SWSAP1: variants seen among roughly 807,000 people sequenced by gnomAD.
SWSAP1 encodes the protein ATPase SWSAP1.
In SWSAP1, 4 loss-of-function variants were observed where a neutral mutation model predicts 5.6. The ratio of observed to expected loss-of-function variants is 0.72; its 90% CI spans 0.35 to 1.64. The LOEUF is 1.64. Ranked by LOEUF, SWSAP1 falls within the 40% of genes most tolerant of loss-of-function variation. The probability of loss-of-function intolerance (pLI) is 0.05; values close to 1 mark genes in which losing one functional copy is unlikely to be tolerated. For missense variants in SWSAP1, 354 were observed against 319.8 expected (o/e 1.11, Z -0.82); for synonymous variants, 139 against 143.3 (o/e 0.97, Z 0.22).
intron 1 of SWSAP1, 52 bp downstream of exon 1, chr19:11,374,981 C>T (rs771649954): frequency 3.8e-5 from 60 of 1,595,584 alleles, no homozygotes; most frequent in Non-Finnish European, 4.6e-5. Flanking sequence ...GGAGTAGATC[C>T]GGGATATTGA....
intron 1 of SWSAP1, 108 bp downstream of exon 1, chr19:11,375,037 C>A (rs1968260527): frequency 4.2e-6 from 6 of 1,424,882 alleles, no homozygotes; most frequent in South Asian, 3.6e-5. Context: ...AAGAGCGAGC[C>A]AGGGCAGCCA....
At chr19:11,375,438 A>T in intron 1 of SWSAP1, 75 bp from the exon 2 acceptor site, 1 of 1,525,866 alleles carries the variant, frequency 6.6e-7, no homozygotes, top group Admixed American at 2.2e-5. Flanking sequence ...AAAGTATGCA[A>T]GGAGGCAGGG....
At position 11,375,742 on chromosome 19, in the gene SWSAP1, T is replaced by A; in HGVS notation, c.479T>A (p.Val160Glu). The A allele has an allele frequency of 6.2e-7, 1 of 1,614,196 alleles. No individual in the cohort carries two copies. The highest frequency in any genetic ancestry group is 1.1e-5 in the South Asian group (1 of 91,088). ...CCTGGCCGGGATTGTGGGCTCATGG[T>A]GGCCCTCCAGACCCAGGAGGAAGCA... ...LGPGRDCGLM[V>E]ALQTQEEAGS... is the part of the protein sequence containing the mutation. Residue 160 changes from valine (V) to glutamate (E), a missense_variant, in exon 2 of 2, where the codon GTG (valine) becomes GAG (glutamate). Coordinates refer to ENST00000674460, the MANE Select transcript of SWSAP1 (RefSeq NM_175871.4).
chr19:11,375,734 G>A lies in SWSAP1; in HGVS notation c.471G>A (p.Gly157=), dbSNP rs762960037. ...GGCTTGGGCCTGGCCGGGATTGTGG[G>A]CTCATGGTGGCCCTCCAGACCCAGG... is the stretch of plus-strand genomic sequence containing the variant. ...SHRLGPGRDC[G]LMVALQTQEE... Residue 157 remains glycine, a synonymous_variant, in exon 2 of 2, where the codon GGG becomes GGA. Transcript: ENST00000674460. The A allele has an allele frequency of 6.2e-7, 1 of 1,614,192 alleles. No individual in the cohort carries two copies. Among genetic ancestry groups the A allele is most frequent in the Non-Finnish European group, 8.5e-7 (1 of 1,180,026 alleles).
In SWSAP1 at chr19:11,376,073, C is replaced by T. The variant is rs556069963; in HGVS notation, c.*57C>T. On this transcript the variant is annotated 3_prime_UTR_variant, in exon 2 of 2. Coordinates refer to ENST00000674460, the MANE Select transcript of SWSAP1 (RefSeq NM_175871.4). ...AGTTTCCCATGGCTGGAATACTTAC[C>T]TCAGGGACATATGCAGATCCAAAGA... is the stretch of plus-strand genomic sequence containing the variant. 1.4e-6 allele frequency: 2 copies of T among 1,450,834 alleles called. No homozygotes were observed. The highest frequency in any genetic ancestry group is 2.8e-5 in the African/African-American group (2 of 71,272). The allele number at this position is 1,450,834 out of a possible 1,614,324, so 89.9% of individuals were successfully genotyped here.
chr19:11,374,717 G>A lies in SWSAP1; in HGVS notation c.37G>A (p.Gly13Ser), dbSNP rs767873271. 4 of 1,587,066 alleles carry A rather than the reference G, an allele frequency of 2.5e-6. No individual in the cohort carries two copies. Among genetic ancestry groups the A allele is most frequent in the Admixed American group, 1.9e-5 (1 of 53,866 alleles). Reference sequence around the variant, plus strand: ...GCTGAGGCGGGTGCTAACCAGGGGCGGTGCGGCCTGGTCCGGGGAGGAGAA... The same window carrying A: ...GCTGAGGCGGGTGCTAACCAGGGGCAGTGCGGCCTGGTCCGGGGAGGAGAA... ...ETLRRVLTRG[G>S]AAWSGEENMP... Residue 13 changes from glycine to serine, a missense_variant, in exon 1 of 2, where the codon GGT (glycine) becomes AGT (serine). Physicochemically the swap from Gly to Ser is moderately conservative, Grantham distance 56. Coordinates refer to ENST00000674460, the MANE Select transcript of SWSAP1 (RefSeq NM_175871.4).
Position 11,376,111 on chromosome 19 carries a change from A to G in SWSAP1, c.*95A>G. ...GCAGATCCAAAGACCTAAACAATGT[A>G]AAGTGCTTTTTCTCTTTTAAAAGTA... On this transcript the variant is annotated 3_prime_UTR_variant, in exon 2 of 2. Transcript: ENST00000674460. 1 of 1,152,616 alleles carries G rather than the reference A, an allele frequency of 8.7e-7. No individual in the cohort carries two copies. The highest frequency in any genetic ancestry group is 1.2e-6 in the Non-Finnish European group (1 of 837,692). 71.4% of individuals were successfully genotyped at this position (1,152,616 alleles called of 1,614,324 possible). A position where few individuals can be genotyped will look rare whatever the true frequency, so the allele number is the denominator to read the frequency against.
chr19:11,375,309 AAAAC>A (rs1169177123), intron 1 of SWSAP1, among the ~76,000 whole-genome samples, 200 bp from the exon 2 acceptor site: 1 of 152,174 alleles, frequency 6.6e-6, no homozygotes, highest in Non-Finnish European at 1.5e-5. Context: ...GATTTGGCCA[AAAAC>A]AAACAAGCAA....
Position 11,374,907 on chromosome 19 carries a change from C to T in SWSAP1, c.227C>T (p.Thr76Ile), listed in dbSNP as rs748849044. The change falls in exon 1 of 2, where the codon ACT becomes ATT. Residue 76 changes from threonine (T) to isoleucine (I), a missense_variant. Thr to Ile is a moderately conservative substitution (Grantham distance 89, BLOSUM62 -1). Coordinates refer to ENST00000674460, the MANE Select transcript of SWSAP1 (RefSeq NM_175871.4). ...LQSMPRGTGT[T>I]LDPMRLQKIR... is the part of the protein sequence containing the mutation. ...AGCATGCCCCGCGGGACCGGAACGA[C>T]TCTAGACCCAATGCGACTCCAGGTA... The T allele has an allele frequency of 6.2e-7, 1 of 1,613,936 alleles. No homozygotes were observed. Among genetic ancestry groups the T allele is most frequent in the Admixed American group, 1.7e-5 (1 of 60,008 alleles).
rs917857783 is a variant in SWSAP1, at chr19:11,374,889, C to T, written c.209C>T (p.Pro70Leu). The T allele has an allele frequency of 6.2e-7, 1 of 1,613,866 alleles. No individual in the cohort carries two copies. Among genetic ancestry groups the T allele is most frequent in the Non-Finnish European group, 8.5e-7 (1 of 1,180,056 alleles). ...FLTRRPLQSM[P>L]RGTGTTLDPM... ...ACACGAAGGCCTCTTCAAAGCATGC[C>T]CCGCGGGACCGGAACGACTCTAGAC... is the stretch of plus-strand genomic sequence containing the variant. The change falls in exon 1 of 2, where the codon CCC (proline) becomes CTC (leucine). Residue 70 changes from proline to leucine, a missense_variant. Transcript: ENST00000674460.
rs1474236964 is a variant in SWSAP1, at chr19:11,374,815, T to C, written c.135T>C (p.Ala45=). 2 of 1,612,200 alleles carry C rather than the reference T, an allele frequency of 1.2e-6. No homozygotes were observed. The highest frequency in any genetic ancestry group is 2.2e-5 in the South Asian group (2 of 90,980). ...PGSGKTALLF[A]AALEAAGEGQ... ...CTGGAAAAACAGCGCTGCTATTTGC[T>C]GCGGCCCTAGAGGCGGCGGGGGAGG... The change falls in exon 1 of 2, where the codon GCT becomes GCC. Residue 45 remains alanine, a synonymous_variant. Transcript: ENST00000674460.
Position 11,376,063 on chromosome 19 carries a change from G to C in SWSAP1, c.*47G>C, listed in dbSNP as rs748266710. On this transcript the variant is annotated 3_prime_UTR_variant, in exon 2 of 2. Coordinates refer to ENST00000674460, the MANE Select transcript of SWSAP1 (RefSeq NM_175871.4). ...TCTGTGCTTCAGTTTCCCATGGCTG[G>C]AATACTTACCTCAGGGACATATGCA... 2.7e-6 allele frequency: 4 copies of C among 1,493,892 alleles called. No homozygotes were observed. The South Asian group carries it at 3.9e-5, about 14-fold the overall frequency. The allele number at this position is 1,493,892 out of a possible 1,614,324, so 92.5% of individuals were successfully genotyped here.
In SWSAP1 at chr19:11,375,654, G is replaced by A. The variant is rs1251957845; in HGVS notation, c.391G>A (p.Glu131Lys). The A allele has an allele frequency of 6.2e-7, 1 of 1,614,202 alleles. No homozygotes were observed. The highest frequency in any genetic ancestry group is 1.1e-5 in the South Asian group (1 of 91,088). Residue 131 changes from glutamate to lysine, a missense_variant, in exon 2 of 2, where the codon GAA becomes AAA. By Grantham distance (56) the Glu-to-Lys change is moderately conservative. Transcript: ENST00000674460. The stretch of plus-strand genomic sequence containing the variant: ...CCTAGCGGAAGACCCAGAGCCCCAG[G>A]AAGCCGCCTACCTCATTGCCTTACT... Reference protein sequence around the residue: ...EYLAEDPEPQEAAYLIALLLD... With the variant: ...EYLAEDPEPQKAAYLIALLLD...
Position 11,374,930 on chromosome 19 carries a change from G to C in SWSAP1, c.249+1G>C, listed in dbSNP as rs766562036. The C allele has an allele frequency of 6.2e-7, 1 of 1,613,286 alleles. No individual in the cohort carries two copies. The highest frequency in any genetic ancestry group is 1.1e-5 in the South Asian group (1 of 91,082). On this transcript the variant is annotated splice_donor_variant, in intron 1 of 1. Transcript: ENST00000674460. LOFTEE classifies it high-confidence loss of function. ...GACTCTAGACCCAATGCGACTCCAG[G>C]TAACCGTGGGGGTGGGAGCAGAGGC... is the stretch of plus-strand genomic sequence containing the variant.
intron 1 of SWSAP1, 120 bp downstream of exon 1, chr19:11,375,049 G>A (rs982055592): frequency 5.3e-6 from 7 of 1,314,216 alleles, no homozygotes; most frequent in Non-Finnish European, 7.4e-6. Context: ...GGGCAGCCAC[G>A]ATGGGGCGGA....
In SWSAP1 at chr19:11,376,072, C is replaced by G. The variant is rs566057587; in HGVS notation, c.*56C>G. The G allele has an allele frequency of 1.2e-5, 17 of 1,453,154 alleles. No homozygotes were observed. The highest frequency in any genetic ancestry group is 1.8e-4 in the Middle Eastern group (1 of 5,502). 90.0% of individuals were successfully genotyped at this position (1,453,154 alleles called of 1,614,324 possible). A position where few individuals can be genotyped will look rare whatever the true frequency, so the allele number is the denominator to read the frequency against. On this transcript the variant is annotated 3_prime_UTR_variant, in exon 2 of 2. Coordinates refer to ENST00000674460, the MANE Select transcript of SWSAP1 (RefSeq NM_175871.4). ...CAGTTTCCCATGGCTGGAATACTTACCTCAGGGACATATGCAGATCCAAAG... is the reference window on the plus strand; with the variant it reads ...CAGTTTCCCATGGCTGGAATACTTAGCTCAGGGACATATGCAGATCCAAAG...
chr19:11,375,016 G>C, intron 1 of SWSAP1, 87 bp downstream of exon 1: 1 of 1,549,752 alleles, frequency 6.5e-7, no homozygotes, highest in Non-Finnish European at 8.7e-7. Flanking sequence ...AGCCAATGGA[G>C]AGGACGGTGG....
In SWSAP1 at chr19:11,376,006, G is replaced by A; in HGVS notation, c.743G>A (p.Gly248Asp). Residue 248 changes from glycine (G) to aspartate (D), a missense_variant, in exon 2 of 2, where the codon GGC becomes GAC. Transcript: ENST00000674460. ...PSSGKGSSSG[G>D]QP ...TCAGGCAAGGGTTCAAGCTCTGGAG[G>A]CCAGCCCTGAGCTTTGGTGGGTGAC... 6.3e-7 allele frequency: 1 copy of A among 1,598,088 alleles called. No individual in the cohort carries two copies. The highest frequency in any genetic ancestry group is 8.5e-7 in the Non-Finnish European group (1 of 1,170,904).
In SWSAP1 at chr19:11,376,076, A is replaced by C; in HGVS notation, c.*60A>C. On this transcript the variant is annotated 3_prime_UTR_variant, in exon 2 of 2. Coordinates refer to ENST00000674460, the MANE Select transcript of SWSAP1 (RefSeq NM_175871.4). ...TTCCCATGGCTGGAATACTTACCTC[A>C]GGGACATATGCAGATCCAAAGACCT... 2.1e-6 allele frequency: 3 copies of C among 1,434,192 alleles called. No individual in the cohort carries two copies. The highest frequency in any genetic ancestry group is 2.8e-6 in the Non-Finnish European group (3 of 1,070,912). 88.8% of individuals were successfully genotyped at this position (1,434,192 alleles called of 1,614,324 possible).
Sources: allele counts gnomAD v4.1 joint callset (sites outside exome capture counted in the v4.1 genomes callset), GRCh38; gene constraint gnomAD v4.1.1; transcripts MANE v1.5; gene names NCBI Gene and HGNC (gene_info 2026-07-23, HGNC 2026-07-21).